Variants in RIMS1 observed in about 807,000 individuals in gnomAD.
RIMS1 encodes the protein regulating synaptic membrane exocytosis 1, also known as regulating synaptic membrane exocytosis protein 1.
Under a neutral mutation model 214.1 loss-of-function variants are expected in RIMS1, and 83 were observed. That is an observed-to-expected ratio of 0.39 (90% CI 0.32 to 0.47). The LOEUF (loss-of-function observed/expected upper bound fraction) is 0.47, where lower values mean the gene tolerates loss of function less well. RIMS1 is among the 20% of genes least tolerant of loss of function. The pLI, the probability that RIMS1 is intolerant of heterozygous loss-of-function variation, is 0.99. For missense variants in RIMS1, 2,050 were observed against 2,161.8 expected (o/e 0.95, Z 1.03); for synonymous variants, 793 against 786.8 (o/e 1.01, Z -0.13).
At chr6:72,325,407 A>G (rs1431623437) in intron 28 of RIMS1, among the ~76,000 whole-genome samples, 3 of 151,296 alleles carry the variant, frequency 2.0e-5, no homozygotes, top group African/African-American at 7.3e-5. Context: ...ATTACAGTCC[A>G]TTTACATATA....
intron 29 of RIMS1, among the ~76,000 whole-genome samples, chr6:72,378,473 T>C (rs2098428941): frequency 6.6e-6 from 1 of 152,214 alleles, no homozygotes; most frequent in Admixed American, 6.5e-5. Context: ...GTACAGTCAT[T>C]TCCACACAAT....
At chr6:72,375,283 T>G (rs1008155939) in intron 29 of RIMS1, among the ~76,000 whole-genome samples, 1 of 152,208 alleles carries the variant, frequency 6.6e-6, no homozygotes, top group African/African-American at 2.4e-5. Context: ...ATTAATTGAT[T>G]TTTATCTCTC....
At chr6:72,210,769 C>A (rs189373129) in intron 6 of RIMS1, among the ~76,000 whole-genome samples, 1 of 152,292 alleles carries the variant, frequency 6.6e-6, no homozygotes, top group Admixed American at 6.5e-5. Flanking sequence ...GTTTCCTCAT[C>A]TGTAACATGG....
At chr6:72,035,607 T>C (rs1412791514) in intron 2 of RIMS1, among the ~76,000 whole-genome samples, 2 of 152,184 alleles carry the variant, frequency 1.3e-5, no homozygotes, top group Non-Finnish European at 2.9e-5. Context: ...TAGAAAATTA[T>C]TATTTGAATT....
chr6:72,152,981 G>GTA (rs1289598588), intron 4 of RIMS1, among the ~76,000 whole-genome samples: 6 of 130,232 alleles, frequency 4.6e-5, no homozygotes, highest in Admixed American at 2.6e-4. Flanking sequence ...GTATATATAT[G>GTA]TATATATGGA....
chr6:72,292,195 A>G (rs2093491348), intron 26 of RIMS1, 149 bp downstream of exon 26: 1 of 559,958 alleles, frequency 1.8e-6, no homozygotes, highest in Non-Finnish European at 3.1e-6. Flanking sequence ...TATCCCCAAC[A>G]CCTAGTGACA....
At chr6:72,012,564 G>T (rs1322668001) in intron 2 of RIMS1, among the ~76,000 whole-genome samples, 4 of 152,070 alleles carry the variant, frequency 2.6e-5, no homozygotes, top group Non-Finnish European at 5.9e-5. Flanking sequence ...TGGAGCTTGT[G>T]GGAAAAAAAA....
chr6:71,982,365 A>G (rs566696169), intron 2 of RIMS1, among the ~76,000 whole-genome samples: 2 of 152,278 alleles, frequency 1.3e-5, no homozygotes, highest in South Asian at 4.1e-4. Flanking sequence ...GACTGTAGGT[A>G]TTAACACAAA....
intron 2 of RIMS1, among the ~76,000 whole-genome samples, chr6:71,974,202 T>C (rs767624015): frequency 2.0e-4 from 30 of 152,114 alleles, no homozygotes; most frequent in Non-Finnish European, 4.0e-4. Flanking sequence ...GTTCAATTTA[T>C]ATTTAAAATG....
At position 71,886,761 on chromosome 6, in the gene RIMS1, C is replaced by T. The variant is rs1349742185; in HGVS notation, c.-263C>T. On this transcript the variant is annotated 5_prime_UTR_variant, in exon 1 of 34. Coordinates refer to ENST00000521978, the MANE Select transcript of RIMS1 (RefSeq NM_014989.7). ...CCGGCCGAGGCTGGGCTGCGGGAGG[C>T]GGCCGGGCGGCCCCGAGCTTCGCTA... The T allele has an allele frequency of 6.9e-6, 2 of 289,786 alleles. No homozygotes were observed. The highest frequency in any genetic ancestry group is 5.3e-5 in the Admixed American group (1 of 19,034). The allele number at this position is 289,786 out of a possible 1,614,324, so 18.0% of individuals were successfully genotyped here. A position where few individuals can be genotyped will look rare whatever the true frequency, so the allele number is the denominator to read the frequency against.
At chr6:71,998,380 T>C (rs1176336197) in intron 2 of RIMS1, among the ~76,000 whole-genome samples, 1 of 152,126 alleles carries the variant, frequency 6.6e-6, no homozygotes, top group East Asian at 1.9e-4. Context: ...AGAGCAGCAC[T>C]GTTTCTCGCG....
intron 28 of RIMS1, among the ~76,000 whole-genome samples, chr6:72,332,877 C>T (rs1277464387): frequency 1.3e-5 from 2 of 151,384 alleles, no homozygotes; most frequent in African/African-American, 4.9e-5. Flanking sequence ...CTGGTACAAG[C>T]TGGTAACATA....
intron 29 of RIMS1, among the ~76,000 whole-genome samples, chr6:72,355,446 T>C (rs1564450823): frequency 6.6e-6 from 1 of 152,172 alleles, no homozygotes; most frequent in Admixed American, 6.5e-5. Flanking sequence ...ACAATATATT[T>C]GGGGTTGTAA....
intron 27 of RIMS1, among the ~76,000 whole-genome samples, chr6:72,311,394 G>A (rs959370598): frequency 6.6e-6 from 1 of 152,142 alleles, no homozygotes; most frequent in Admixed American, 6.5e-5. Flanking sequence ...AATGAATTGT[G>A]TTAGTCAGAA....
At chr6:72,394,904 G>A (rs1343805816) in intron 31 of RIMS1, among the ~76,000 whole-genome samples, 1 of 151,966 alleles carries the variant, frequency 6.6e-6, no homozygotes, top group Non-Finnish European at 1.5e-5. Context: ...GAAATTTTCA[G>A]AGATAAAGTA....
chr6:72,180,402 C>G (rs2048252567), intron 5 of RIMS1, among the ~76,000 whole-genome samples: 1 of 152,184 alleles, frequency 6.6e-6, no homozygotes, highest in African/African-American at 2.4e-5. Context: ...TCTGCACAGG[C>G]ACATGGCCTG....
chr6:71,906,219 T>C (rs1775201379), intron 1 of RIMS1, among the ~76,000 whole-genome samples: 1 of 152,186 alleles, frequency 6.6e-6, no homozygotes. Context: ...CTAACAGTTA[T>C]TTTAAGTCTA....
chr6:72,072,641 A>G (rs1038494360), intron 2 of RIMS1, among the ~76,000 whole-genome samples: 3 of 152,234 alleles, frequency 2.0e-5, no homozygotes, highest in African/African-American at 7.2e-5. Context: ...TTGGGAAACC[A>G]CAATGCAAAG....
At chr6:72,054,429 T>C (rs1825594972) in intron 2 of RIMS1, among the ~76,000 whole-genome samples, 1 of 152,222 alleles carries the variant, frequency 6.6e-6, no homozygotes, top group Non-Finnish European at 1.5e-5. Context: ...TATATTCCTT[T>C]GGGTATATAC....
Sources: allele counts gnomAD v4.1 joint callset (sites outside exome capture counted in the v4.1 genomes callset), GRCh38; gene constraint gnomAD v4.1.1; transcripts MANE v1.5; gene names NCBI Gene and HGNC (gene_info 2026-07-23, HGNC 2026-07-21).